Variants in C11orf97 observed in about 807,000 individuals in gnomAD.
C11orf97 encodes the protein chromosome 11 open reading frame 97, also known as uncharacterized protein C11orf97.
C11orf97 carries 15 observed loss-of-function variants against 16.2 expected under a neutral mutation model. The ratio of observed to expected loss-of-function variants is 0.93; its 90% confidence interval spans 0.62 to 1.43. C11orf97 has a LOEUF of 1.43. Among genes scored for constraint, C11orf97 ranks in the 40% most tolerant of loss-of-function variants. The pLI, the probability that C11orf97 is intolerant of heterozygous loss-of-function variation, is 0.00. For missense variants in C11orf97, 171 were observed against 161.2 expected, an observed-to-expected ratio of 1.06 and a Z score of -0.33; for synonymous variants, 61 against 65.7, an observed-to-expected ratio of 0.93 and a Z score of 0.34.
chr11:94,529,598 A>G (rs767975992), intron 3 of C11orf97, among the ~76,000 whole-genome samples: 5 of 152,202 alleles, frequency 3.3e-5, no homozygotes, highest in African/African-American at 4.8e-5. Context: ...TTTACTACCT[A>G]CAATCCCATG....
At chr11:94,530,500 TTCAAAAATTG>T (rs1947731391) in intron 3 of C11orf97, among the ~76,000 whole-genome samples, 1 of 152,182 alleles carries the variant, frequency 6.6e-6, no homozygotes. Flanking sequence ...ATAGATAATT[TTCAAAAATTG>T]TCAGTAGTAA....
Position 94,527,252 on chromosome 11 carries a change from G to A in C11orf97, c.251-832G>A, listed in dbSNP as rs142496549. 2.0e-3 allele frequency among the ~76,000 whole-genome samples: 304 copies of A among 152,294 alleles called. 1 individual carries two copies. The highest frequency in any genetic ancestry group is 6.8e-3 in the Middle Eastern group (2 of 292). ...TAGAGAGGGATCAAATATCAGTGAG[G>A]ATGCCAGTGGGCAGCCTTGGATCTG... is the stretch of plus-strand genomic sequence containing the variant. On this transcript the variant is annotated intron_variant, in intron 2 of 3. Coordinates refer to ENST00000542198, the MANE Select transcript of C11orf97 (RefSeq NM_001190462.2).
intron 1 of C11orf97, among the ~76,000 whole-genome samples, chr11:94,514,494 A>G (rs915658036): frequency 2.6e-5 from 4 of 152,184 alleles, no homozygotes; most frequent in East Asian, 1.9e-4. Context: ...TCTATTCCCT[A>G]TATTCCCTAA....
chr11:94,512,691 C>T lies in C11orf97; in HGVS notation c.145+18C>T. On this transcript the variant is annotated intron_variant, in intron 1 of 3. Coordinates refer to ENST00000542198, the MANE Select transcript of C11orf97 (RefSeq NM_001190462.2). Reference sequence around the variant, plus strand: ...CCAGCAGTGTGAGTTCAGCTCCAGCCGCGGACGCTACTGGGAGGAGGGGCG... The same window carrying T: ...CCAGCAGTGTGAGTTCAGCTCCAGCTGCGGACGCTACTGGGAGGAGGGGCG... 2 of 1,236,136 alleles carry T rather than the reference C, an allele frequency of 1.6e-6. No individual in the cohort carries two copies. The highest frequency in any genetic ancestry group is 2.0e-6 in the Non-Finnish European group (2 of 989,766). The allele number at this position is 1,236,136 out of a possible 1,614,324, so 76.6% of individuals were successfully genotyped here. A position where few individuals can be genotyped will look rare whatever the true frequency, so the allele number is the denominator to read the frequency against.
chr11:94,520,974 A>G (rs562768911), intron 2 of C11orf97, among the ~76,000 whole-genome samples: 1 of 152,218 alleles, frequency 6.6e-6, no homozygotes, highest in Admixed American at 6.5e-5. Flanking sequence ...CTCATCTCCT[A>G]TACTTTTCCA....
In C11orf97 at chr11:94,512,639, A is replaced by G. The variant is rs2135175084; in HGVS notation, c.111A>G (p.Glu37=). ...GGCTGGGGTGCGGGGCGCGCGGGGAACCCGGCCGCGGCCCCCTAGAGCACG... is the reference window on the plus strand; with the variant it reads ...GGCTGGGGTGCGGGGCGCGCGGGGAGCCCGGCCGCGGCCCCCTAGAGCACG... ...PAGLGCGARG[E]PGRGPLEHGQ... Residue 37 remains glutamate, a synonymous_variant, in exon 1 of 4, where the codon GAA becomes GAG. Coordinates refer to ENST00000542198, the MANE Select transcript of C11orf97 (RefSeq NM_001190462.2). The G allele has an allele frequency of 4.0e-6, 5 of 1,253,634 alleles. No individual in the cohort carries two copies. The highest frequency in any genetic ancestry group is 5.0e-6 in the Non-Finnish European group (5 of 998,182). 77.7% of individuals were successfully genotyped at this position (1,253,634 alleles called of 1,614,324 possible).
At chr11:94,527,654 C>G (rs753860534) in intron 2 of C11orf97, among the ~76,000 whole-genome samples, 1 of 152,026 alleles carries the variant, frequency 6.6e-6, no homozygotes, top group South Asian at 2.1e-4. Context: ...ATTCTTGGAT[C>G]TATTGGATGA....
chr11:94,528,715 A>G (rs1947717395), intron 3 of C11orf97, among the ~76,000 whole-genome samples: 1 of 152,208 alleles, frequency 6.6e-6, no homozygotes, highest in Non-Finnish European at 1.5e-5. Context: ...TTGGAACAAA[A>G]TATTACTCAT....
intron 2 of C11orf97, among the ~76,000 whole-genome samples, chr11:94,522,196 C>G (rs200661825): frequency 6.6e-6 from 1 of 152,106 alleles, no homozygotes; most frequent in East Asian, 1.9e-4. Flanking sequence ...TCCTGGATGT[C>G]CCATAAGTCA....
At chr11:94,518,149 G>A (rs376418281) in intron 2 of C11orf97, among the ~76,000 whole-genome samples, 129 of 108,884 alleles carry the variant, frequency 1.2e-3, no homozygotes, top group Admixed American at 1.6e-3. Flanking sequence ...CTCCATATCA[G>A]AAAAAAAAAA....
At chr11:94,518,554 G>A (rs1330675553) in intron 2 of C11orf97, among the ~76,000 whole-genome samples, 1 of 152,168 alleles carries the variant, frequency 6.6e-6, no homozygotes, top group Non-Finnish European at 1.5e-5. Context: ...TCCCGTAGAG[G>A]ATCTGAGCAT....
intron 3 of C11orf97, 142 bp from the exon 4 acceptor site, chr11:94,531,754 A>G (rs1449261375): frequency 3.4e-6 from 2 of 583,614 alleles, no homozygotes; most frequent in Admixed American, 4.1e-5. Flanking sequence ...TTTTCTGGTT[A>G]CTGGGATGAC....
At chr11:94,527,044 G>T (rs556394352) in intron 2 of C11orf97, among the ~76,000 whole-genome samples, 1 of 152,110 alleles carries the variant, frequency 6.6e-6, no homozygotes, top group Non-Finnish European at 1.5e-5. Flanking sequence ...CATCTAAATC[G>T]TACAATAATC....
At chr11:94,522,359 C>A (rs2135181501) in intron 2 of C11orf97, among the ~76,000 whole-genome samples, 1 of 152,222 alleles carries the variant, frequency 6.6e-6, no homozygotes, top group South Asian at 2.1e-4. Flanking sequence ...CATGGTGAAA[C>A]CTCGTCTCTA....
intron 2 of C11orf97, among the ~76,000 whole-genome samples, chr11:94,519,404 A>G (rs1428652299): frequency 2.0e-5 from 3 of 151,932 alleles, no homozygotes; most frequent in South Asian, 2.1e-4. Flanking sequence ...CCCCGCCTAC[A>G]TGTACTATTT....
rs201032544 is a variant in C11orf97 at position 94,524,516 on chromosome 11, G to A, written c.251-3568G>A. On this transcript the variant is annotated intron_variant, in intron 2 of 3. Coordinates refer to ENST00000542198, the MANE Select transcript of C11orf97 (RefSeq NM_001190462.2). ...AAATTTGAGGTAAAAACAGGTTTCA[G>A]AGGCTTTCTGCATTCCTATCAGATA... 4.0e-5 allele frequency among the ~76,000 whole-genome samples: 6 copies of A among 148,812 alleles called. No individual in the cohort carries two copies. In the East Asian group the frequency reaches 1.2e-3, roughly 30 times the overall value.
intron 2 of C11orf97, among the ~76,000 whole-genome samples, chr11:94,518,931 T>A (rs1947635877): frequency 6.6e-6 from 1 of 151,226 alleles, no homozygotes; most frequent in South Asian, 2.1e-4. Context: ...TTTTTTTGGA[T>A]GGAGTCTCAC....
In C11orf97 at chr11:94,512,538, G is replaced by A. The variant is rs1368715407; in HGVS notation, c.10G>A (p.Glu4Lys). The change falls in exon 1 of 4, where the codon GAG (glutamate) becomes AAG (lysine). Residue 4 changes from glutamate to lysine, a missense_variant. Coordinates refer to ENST00000542198, the MANE Select transcript of C11orf97 (RefSeq NM_001190462.2). MTG[E>K]EAVVVTAVVA... ...GGAAGACCGCTGCGGCATGACAGGC[G>A]AGGAGGCGGTGGTGGTGACCGCAGT... The A allele has an allele frequency of 1.8e-5, 24 of 1,310,836 alleles. No homozygotes were observed. The highest frequency in any genetic ancestry group is 2.2e-5 in the Non-Finnish European group (23 of 1,029,320). 81.2% of individuals were successfully genotyped at this position (1,310,836 alleles called of 1,614,324 possible).
chr11:94,517,049 C>T (rs1158491708), intron 1 of C11orf97, among the ~76,000 whole-genome samples: 1 of 152,210 alleles, frequency 6.6e-6, no homozygotes, highest in African/African-American at 2.4e-5. Context: ...TAGTCATGTC[C>T]TATAGGTCCA....
Sources: gnomAD v4.1 joint callset for allele counts (sites outside exome capture counted in the v4.1 genomes callset) on GRCh38, gnomAD v4.1.1 for gene constraint, MANE v1.5 for transcripts, NCBI Gene and HGNC (gene_info 2026-07-23, HGNC 2026-07-21) for gene names.